The following ARL8A variants were observed in gnomAD, a reference collection of about 807,000 sequenced individuals.
ARL8A encodes the protein ADP-ribosylation factor-like protein 8A.
In ARL8A, 10 loss-of-function variants were observed where a neutral mutation model predicts 31.2. The observed-to-expected ratio is 0.32, with a 90% confidence interval of 0.20 to 0.54. The LOEUF (loss-of-function observed/expected upper bound fraction) is 0.54, where lower values mean the gene tolerates loss of function less well. Among genes scored for constraint, ARL8A ranks in the 20% least tolerant of loss-of-function variants. The pLI, the probability that ARL8A is intolerant of heterozygous loss-of-function variation, is 0.93. For synonymous variants in ARL8A, 70 were observed against 86.9 expected, an observed-to-expected ratio of 0.81 and a Z score of 1.08; for missense variants, 129 against 242.8, an observed-to-expected ratio of 0.53 and a Z score of 3.12.
Position 202,144,073 on chromosome 1 carries a change from C to G in ARL8A, c.123+377G>C, listed in dbSNP as rs1655236983. Among the ~76,000 whole-genome samples, 2 of 152,232 alleles carry G rather than the reference C, an allele frequency of 1.3e-5. No individual in the cohort carries two copies. The highest frequency in any genetic ancestry group is 2.9e-5 in the Non-Finnish European group (2 of 68,032). ...TACCCGCGGGACAGGAAGGCCCGTG[C>G]ACTTTCGCCCCGTCATGCCCCCTTG... On this transcript the variant is annotated intron_variant, in intron 1 of 6. Coordinates refer to ENST00000272217, the MANE Select transcript of ARL8A (RefSeq NM_138795.4). The surrounding 1 kb of genome is among the most constrained non-coding windows in gnomAD (Gnocchi z 5.2).
chr1:202,143,284 C>T (rs1027228357), intron 1 of ARL8A, among the ~76,000 whole-genome samples: 4 of 152,190 alleles, frequency 2.6e-5, no homozygotes, highest in African/African-American at 9.7e-5. Flanking sequence ...AAGTGACGTC[C>T]CCTGCCTTCT....
chr1:202,135,323 G>C lies in ARL8A; in HGVS notation c.441-103C>G. ...TTCTTACCTAAGAGGCTACAAAGGG[G>C]AGGGTGAGGTGCCTGAAAAGGTCGG... On this transcript the variant is annotated intron_variant, in intron 5 of 6. Coordinates refer to ENST00000272217, the MANE Select transcript of ARL8A (RefSeq NM_138795.4). This position sits in a 1 kb window ranked among gnomAD's most constrained non-coding sequence, Gnocchi z 5.3. 6.9e-7 allele frequency: 1 copy of C among 1,452,846 alleles called. No individual in the cohort carries two copies. Among genetic ancestry groups the C allele is most frequent in the Non-Finnish European group, 9.7e-7 (1 of 1,034,670 alleles). 90.0% of individuals were successfully genotyped at this position (1,452,846 alleles called of 1,614,324 possible).
chr1:202,142,434 C>T (rs1267753939), intron 1 of ARL8A, among the ~76,000 whole-genome samples: 1 of 152,150 alleles, frequency 6.6e-6, no homozygotes, highest in Non-Finnish European at 1.5e-5. Context: ...TGTGATTATA[C>T]ACGGGGTGGG....
In ARL8A at chr1:202,144,612, C is replaced by A; in HGVS notation, c.-40G>T. ...GCCCCGCCCGGTGCCAGGTCCCCGCCGCCCCTCGCTGCCCTCGCGCTGCGG... is the reference window on the plus strand; with the variant it reads ...GCCCCGCCCGGTGCCAGGTCCCCGCAGCCCCTCGCTGCCCTCGCGCTGCGG... On this transcript the variant is annotated 5_prime_UTR_variant, in exon 1 of 7. Coordinates refer to ENST00000272217, the MANE Select transcript of ARL8A (RefSeq NM_138795.4). The surrounding 1 kb of genome is among the most constrained non-coding windows in gnomAD (Gnocchi z 5.2). The A allele has an allele frequency of 7.3e-7, 1 of 1,371,122 alleles. No homozygotes were observed. Among genetic ancestry groups the A allele is most frequent in the Non-Finnish European group, 9.6e-7 (1 of 1,039,054 alleles). The allele number at this position is 1,371,122 out of a possible 1,614,324, so 84.9% of individuals were successfully genotyped here. A position where few individuals can be genotyped will look rare whatever the true frequency, so the allele number is the denominator to read the frequency against.
rs1654991713 is a variant in ARL8A at position 202,135,843 on chromosome 1, A to C, written c.279-43T>G. The C allele has an allele frequency of 3.3e-6, 5 of 1,524,502 alleles. No homozygotes were observed. Among genetic ancestry groups the C allele is most frequent in the South Asian group, 1.1e-5 (1 of 89,080 alleles). 94.4% of individuals were successfully genotyped at this position (1,524,502 alleles called of 1,614,324 possible). A position where few individuals can be genotyped will look rare whatever the true frequency, so the allele number is the denominator to read the frequency against. On this transcript the variant is annotated intron_variant, in intron 3 of 6. Transcript: ENST00000272217. The surrounding 1 kb of genome is among the most constrained non-coding windows in gnomAD (Gnocchi z 5.3). Reference sequence around the variant, plus strand: ...GTGGGGACAAGCATGTTGACACCACAGGCTGAGGTGGTGCAAGGAAGAGAA... The same window carrying C: ...GTGGGGACAAGCATGTTGACACCACCGGCTGAGGTGGTGCAAGGAAGAGAA...
intron 1 of ARL8A, among the ~76,000 whole-genome samples, chr1:202,140,052 A>G (rs1655124677): frequency 6.6e-6 from 1 of 152,164 alleles, no homozygotes; most frequent in Admixed American, 6.6e-5. Flanking sequence ...GCCAAGATGT[A>G]GGAGATGATT....
Position 202,135,256 on chromosome 1 carries a change from G to A in ARL8A, c.441-36C>T. The A allele has an allele frequency of 2.5e-6, 4 of 1,589,640 alleles. No individual in the cohort carries two copies. The highest frequency in any genetic ancestry group is 3.5e-6 in the Non-Finnish European group (4 of 1,157,826). On this transcript the variant is annotated intron_variant, in intron 5 of 6. Coordinates refer to ENST00000272217, the MANE Select transcript of ARL8A (RefSeq NM_138795.4). The surrounding 1 kb of genome is among the most constrained non-coding windows in gnomAD (Gnocchi z 5.3). Reference sequence around the variant, plus strand: ...CCAGAGTAGAGTCCGCTGAGGCTACGAACGTCCAGGGGGCCTGGGGCTAGG... The same window carrying A: ...CCAGAGTAGAGTCCGCTGAGGCTACAAACGTCCAGGGGGCCTGGGGCTAGG...
chr1:202,140,464 C>A (rs1202947352), intron 1 of ARL8A, among the ~76,000 whole-genome samples: 1 of 152,076 alleles, frequency 6.6e-6, no homozygotes, highest in Non-Finnish European at 1.5e-5. Context: ...TCTGCAGGAA[C>A]CACCTATTCA....
At chr1:202,139,344 G>C (rs1655101842) in intron 1 of ARL8A, among the ~76,000 whole-genome samples, 2 of 152,070 alleles carry the variant, frequency 1.3e-5, no homozygotes, top group Admixed American at 1.3e-4. Flanking sequence ...GGAGGCTGAG[G>C]GGGCAGATCA....
intron 1 of ARL8A, among the ~76,000 whole-genome samples, chr1:202,139,168 T>C (rs1398506976): frequency 6.6e-6 from 1 of 152,190 alleles, no homozygotes; most frequent in Non-Finnish European, 1.5e-5. Context: ...GATTTCTGGA[T>C]TCTTCTAAAC....
intron 1 of ARL8A, among the ~76,000 whole-genome samples, chr1:202,139,183 T>C (rs1655097277): frequency 6.6e-6 from 1 of 152,146 alleles, no homozygotes; most frequent in Non-Finnish European, 1.5e-5. Flanking sequence ...CTAAACTACC[T>C]ACAGTCTTCA....
At chr1:202,140,492 T>C (rs1655139584) in intron 1 of ARL8A, among the ~76,000 whole-genome samples, 1 of 152,044 alleles carries the variant, frequency 6.6e-6, no homozygotes, top group African/African-American at 2.4e-5. Context: ...CTTAGGATGA[T>C]ATAAGAACTG....
At chr1:202,136,966 T>A (rs1228749166) in intron 3 of ARL8A, among the ~76,000 whole-genome samples, 1 of 152,062 alleles carries the variant, frequency 6.6e-6, no homozygotes, top group Non-Finnish European at 1.5e-5. Context: ...GCCATTCTCC[T>A]GCCTCAGCCT....
intron 1 of ARL8A, among the ~76,000 whole-genome samples, chr1:202,140,656 G>A (rs377364547): frequency 7.2e-5 from 11 of 152,188 alleles, no homozygotes; most frequent in African/African-American, 2.7e-4. Context: ...TCTGGAGAAA[G>A]GGTCTCTCAC....
intron 1 of ARL8A, among the ~76,000 whole-genome samples, chr1:202,139,925 G>A (rs1655122390): frequency 6.6e-6 from 1 of 151,934 alleles, no homozygotes; most frequent in African/African-American, 2.4e-5. Context: ...TGGGATTATA[G>A]GGGTGAGCCA....
rs765614852 is a variant in ARL8A at position 202,135,667 on chromosome 1, C to A, written c.372+40G>T. On this transcript the variant is annotated intron_variant, in intron 4 of 6. Coordinates refer to ENST00000272217, the MANE Select transcript of ARL8A (RefSeq NM_138795.4). The surrounding 1 kb of genome is among the most constrained non-coding windows in gnomAD (Gnocchi z 5.3). ...TTACCTGCTCCCAGTGACTTCCCAG[C>A]CGAGCTCCCTCCCCATCCCGCTCCC... 3 of 1,597,714 alleles carry A rather than the reference C, an allele frequency of 1.9e-6. No homozygotes were observed. Among genetic ancestry groups the A allele is most frequent in the African/African-American group, 2.7e-5 (2 of 74,528 alleles).
chr1:202,140,135 C>CTTT (rs148146346), intron 1 of ARL8A, among the ~76,000 whole-genome samples: 1 of 145,074 alleles, frequency 6.9e-6, no homozygotes, highest in Non-Finnish European at 1.5e-5. Context: ...CTTTGATTCC[C>CTTT]TTTTTTTTTT....
rs895801077 is a variant in ARL8A at position 202,135,690 on chromosome 1, C to G, written c.372+17G>C. ...AGCCGAGCTCCCTCCCCATCCCGCT[C>G]CCTCAGGTCTGCTGACCGGGATGCC... On this transcript the variant is annotated intron_variant, in intron 4 of 6. Coordinates refer to ENST00000272217, the MANE Select transcript of ARL8A (RefSeq NM_138795.4). This position sits in a 1 kb window ranked among gnomAD's most constrained non-coding sequence, Gnocchi z 5.3. 2.5e-6 allele frequency: 4 copies of G among 1,611,290 alleles called. No individual in the cohort carries two copies. Among genetic ancestry groups the G allele is most frequent in the Non-Finnish European group, 3.4e-6 (4 of 1,177,582 alleles).
chr1:202,135,282 G>A lies in ARL8A; in HGVS notation c.441-62C>T. 6.5e-7 allele frequency: 1 copy of A among 1,542,260 alleles called. No individual in the cohort carries two copies. Among genetic ancestry groups the A allele is most frequent in the South Asian group, 1.1e-5 (1 of 89,546 alleles). ...AACGTCCAGGGGGCCTGGGGCTAGG[G>A]GACAGCGGGGCCTTTTTCTTACCTA... is the stretch of plus-strand genomic sequence containing the variant. On this transcript the variant is annotated intron_variant, in intron 5 of 6. Coordinates refer to ENST00000272217, the MANE Select transcript of ARL8A (RefSeq NM_138795.4). The surrounding 1 kb of genome is among the most constrained non-coding windows in gnomAD (Gnocchi z 5.3).
Sources: allele counts gnomAD v4.1 joint callset (sites outside exome capture counted in the v4.1 genomes callset), GRCh38; gene constraint gnomAD v4.1.1; non-coding constraint Gnocchi (gnomAD v3.1); transcripts MANE v1.5; gene names NCBI Gene and HGNC (gene_info 2026-07-23, HGNC 2026-07-21).